Variants in MALRD1 observed in about 807,000 individuals in gnomAD.
MALRD1 encodes MAM and LDL-receptor class A domain-containing protein 1.
A neutral mutation model predicts 242.1 loss-of-function variants in MALRD1; 247 were observed. That is an observed-to-expected ratio of 1.02 (90% CI 0.92 to 1.13). The LOEUF (loss-of-function observed/expected upper bound fraction) is 1.13. Ranked by LOEUF, MALRD1 falls within the 50% of genes most tolerant of loss-of-function variation. MALRD1 has a pLI of 0.00. For synonymous variants in MALRD1, 995 were observed against 866.6 expected (o/e 1.15, Z -2.60); for missense variants, 2,989 against 2,533.1 (o/e 1.18, Z -3.86).
chr10:19,701,514 G>A (rs1369108943), intron 38 of MALRD1, among the ~76,000 whole-genome samples: 1 of 152,102 alleles, frequency 6.6e-6, no homozygotes, highest in Non-Finnish European at 1.5e-5. Flanking sequence ...TTGGGGCGAT[G>A]GAGGAATACA....
intron 5 of MALRD1, among the ~76,000 whole-genome samples, chr10:19,107,485 T>G (rs2131344104): frequency 6.6e-6 from 1 of 152,112 alleles, no homozygotes. Flanking sequence ...TGAAATATTT[T>G]TATTCCATTC....
rs901784988 is a variant in MALRD1, at chr10:19,503,593, G to A, written c.5320+4947G>A. ...ATTTATGTAGCTTGAATTAATGAAG[G>A]CATAAGGCACAAAGCTGCTGCTGTC... On this transcript the variant is annotated intron_variant, in intron 31 of 39. Coordinates refer to ENST00000454679, the MANE Select transcript of MALRD1 (RefSeq NM_001142308.3). Among the ~76,000 whole-genome samples, 7 of 152,260 alleles carry A rather than the reference G, an allele frequency of 4.6e-5. No homozygotes were observed. In the South Asian group the frequency reaches 1.5e-3, roughly 32 times the overall value.
chr10:19,287,775 T>G (rs1564531730), intron 21 of MALRD1, among the ~76,000 whole-genome samples: 1 of 152,138 alleles, frequency 6.6e-6, no homozygotes, highest in African/African-American at 2.4e-5. Context: ...CACCTAACAA[T>G]GCATTTCTCA....
chr10:19,556,282 A>G (rs1835713394), intron 32 of MALRD1, among the ~76,000 whole-genome samples: 1 of 152,110 alleles, frequency 6.6e-6, no homozygotes, highest in Admixed American at 6.6e-5. Flanking sequence ...ATGAGCCAAT[A>G]TGGAGGCATT....
At chr10:19,598,787 C>T (rs1838224987) in intron 34 of MALRD1, among the ~76,000 whole-genome samples, 1 of 152,000 alleles carries the variant, frequency 6.6e-6, no homozygotes, top group Admixed American at 6.6e-5. Context: ...AAGTGGCAGG[C>T]AGAACCTGAA....
At position 19,567,599 on chromosome 10, in the gene MALRD1, GT is replaced by G. The variant is rs1487282761; in HGVS notation, c.5577del (p.Ser1859ArgfsTer33). The G allele has an allele frequency of 2.2e-5, 34 of 1,550,598 alleles. No homozygotes were observed. In the Admixed American group the frequency reaches 2.9e-4, roughly 13 times the overall value. ...GWTYGSVPLS[S>X]NSPFKVAFEA... ...ACATATGGCTCTGTGCCTCTCTCCA[GT>G]AACAGTCCGTTTAAGGTGGCATTTG... is the stretch of plus-strand genomic sequence containing the variant. On this transcript the variant is annotated frameshift_variant, in exon 33 of 40. Transcript: ENST00000454679. LOFTEE classifies it high-confidence loss of function.
intron 2 of MALRD1, among the ~76,000 whole-genome samples, chr10:19,081,035 A>G (rs1014043194): frequency 2.6e-5 from 4 of 152,170 alleles, no homozygotes; most frequent in Non-Finnish European, 1.5e-5. Flanking sequence ...ATTGATTAGT[A>G]GAGAAATGCA....
rs1837815997 is a variant in MALRD1 at position 19,498,355 on chromosome 10, C to A, written c.5159-130C>A. ...AAATATTAACAATGAGTACAAATGT[C>A]TTGATGCTGTAAGTGTATTTATAAA... is the stretch of plus-strand genomic sequence containing the variant. On this transcript the variant is annotated intron_variant, in intron 30 of 39. Transcript: ENST00000454679. 9 of 791,278 alleles carry A rather than the reference C, an allele frequency of 1.1e-5. No individual in the cohort carries two copies. In the South Asian group the frequency reaches 1.8e-4, roughly 16 times the overall value. 49.0% of individuals were successfully genotyped at this position (791,278 alleles called of 1,614,324 possible).
At chr10:19,556,630 A>G (rs76586324) in intron 32 of MALRD1, among the ~76,000 whole-genome samples, 2,383 of 152,234 alleles carry the variant, frequency 0.016, 51 homozygotes, top group African/African-American at 0.047. Flanking sequence ...ATTCCATACT[A>G]TGGATGTGCC....
At chr10:19,271,859 A>G (rs1840264591) in intron 19 of MALRD1, among the ~76,000 whole-genome samples, 1 of 152,230 alleles carries the variant, frequency 6.6e-6, no homozygotes, top group Non-Finnish European at 1.5e-5. Flanking sequence ...GAAAAAAATC[A>G]TAAAAGCAAA....
intron 20 of MALRD1, among the ~76,000 whole-genome samples, chr10:19,282,271 A>G (rs930671981): frequency 2.0e-5 from 3 of 152,160 alleles, no homozygotes; most frequent in Non-Finnish European, 4.4e-5. Context: ...ACTTTTTTAA[A>G]TGTTTCCTTT....
At chr10:19,510,625 G>A (rs937494684) in intron 31 of MALRD1, among the ~76,000 whole-genome samples, 2 of 152,218 alleles carry the variant, frequency 1.3e-5, no homozygotes, top group African/African-American at 2.4e-5. Context: ...TGCGAGCACA[G>A]GGTTGAGGGT....
intron 22 of MALRD1, among the ~76,000 whole-genome samples, chr10:19,326,031 A>G (rs1588913690): frequency 1.9e-5 from 2 of 104,044 alleles, no homozygotes; most frequent in Admixed American, 9.7e-5. Flanking sequence ...TTTCATATCA[A>G]TTTTAGAATT....
chr10:19,370,855 G>C (rs1391989397), intron 26 of MALRD1, among the ~76,000 whole-genome samples: 1 of 152,020 alleles, frequency 6.6e-6, no homozygotes, highest in Non-Finnish European at 1.5e-5. Flanking sequence ...GGGATAACAG[G>C]CATGAGCCAC....
rs1426630001 is a variant in MALRD1 at position 19,728,080 on chromosome 10, G to A, written c.6315-2626G>A. On this transcript the variant is annotated intron_variant, in intron 38 of 39. Coordinates refer to ENST00000454679, the MANE Select transcript of MALRD1 (RefSeq NM_001142308.3). The stretch of plus-strand genomic sequence containing the variant: ...TAAAATTTAAGTCTAATAGTCCAGG[G>A]ATTTTCAAGAATGGGAGATATATCT... 3.3e-5 allele frequency among the ~76,000 whole-genome samples: 5 copies of A among 152,052 alleles called. 1 individual carries two copies. The highest frequency in any genetic ancestry group is 7.2e-5 in the African/African-American group (3 of 41,416).
At position 19,087,903 on chromosome 10, in the gene MALRD1, T is replaced by C. The variant is rs186665669; in HGVS notation, c.404T>C (p.Phe135Ser). The change falls in exon 3 of 40, where the codon TTC becomes TCC. Residue 135 changes from phenylalanine (F) to serine (S), a missense_variant. Transcript: ENST00000454679. Reference sequence around the variant, plus strand: ...TCCTCAAGTTTAAGAAGCAGAGTTTTCCTTCCAACAAATGATCAACATGAC... The same window carrying C: ...TCCTCAAGTTTAAGAAGCAGAGTTTCCCTTCCAACAAATGATCAACATGAC... ...SISSSLRSRV[F>S]LPTNDQHDCQ... 5.7e-6 allele frequency: 7 copies of C among 1,233,510 alleles called. No homozygotes were observed. The East Asian group carries it at 1.9e-4, about 33-fold the overall frequency. 76.4% of individuals were successfully genotyped at this position (1,233,510 alleles called of 1,614,324 possible). A position where few individuals can be genotyped will look rare whatever the true frequency, so the allele number is the denominator to read the frequency against.
At chr10:19,569,357 T>G (rs554244641) in intron 33 of MALRD1, among the ~76,000 whole-genome samples, 2 of 151,992 alleles carry the variant, frequency 1.3e-5, no homozygotes, top group Non-Finnish European at 2.9e-5. Flanking sequence ...TGCTGGTATT[T>G]TTGTGTCCTT....
At chr10:19,072,547 C>T (rs1415531778) in intron 2 of MALRD1, among the ~76,000 whole-genome samples, 2 of 151,994 alleles carry the variant, frequency 1.3e-5, no homozygotes, top group African/African-American at 2.4e-5. Context: ...TTTGCTGCCC[C>T]CGTGTCTGTT....
intron 2 of MALRD1, among the ~76,000 whole-genome samples, chr10:19,086,110 G>C (rs7897128): frequency 0.23 from 35,292 of 151,802 alleles, 4,174 homozygotes; most frequent in South Asian, 0.29. Flanking sequence ...TATATTCTTA[G>C]AATAATTGTG....
Sources: gnomAD v4.1 joint callset for allele counts (sites outside exome capture counted in the v4.1 genomes callset) on GRCh38, gnomAD v4.1.1 for gene constraint, MANE v1.5 for transcripts, NCBI Gene and HGNC (gene_info 2026-07-23, HGNC 2026-07-21) for gene names.